Variants in ASPH observed in about 807,000 individuals in gnomAD.
ASPH encodes the protein aspartyl/asparaginyl beta-hydroxylase.
In ASPH, 100 loss-of-function variants were observed where a neutral mutation model predicts 118.4. The ratio of observed to expected loss-of-function variants is 0.84; its 90% confidence interval spans 0.72 to 1.00. The LOEUF (loss-of-function observed/expected upper bound fraction) is 1.00. Among genes scored for constraint, ASPH ranks in the 50% least tolerant of loss-of-function variants. The probability of loss-of-function intolerance (pLI) is 0.00; values close to 1 mark genes in which losing one functional copy is unlikely to be tolerated. For synonymous variants in ASPH, 315 were observed against 325.6 expected (o/e 0.97, Z 0.35); for missense variants, 920 against 919.5 (o/e 1.00, Z -0.01).
At chr8:61,569,400 T>C (rs1832787807) in intron 16 of ASPH, among the ~76,000 whole-genome samples, 1 of 152,204 alleles carries the variant, frequency 6.6e-6, no homozygotes, top group Non-Finnish European at 1.5e-5. Context: ...GTTTATGTTG[T>C]TAAAATGTGT....
chr8:61,527,354 C>T (rs1015202176), intron 21 of ASPH, among the ~76,000 whole-genome samples: 1 of 152,024 alleles, frequency 6.6e-6, no homozygotes, highest in African/African-American at 2.4e-5. Flanking sequence ...CTCATGATTC[C>T]ACATAAGAAG....
chr8:61,605,150 T>C (rs1468951811), intron 14 of ASPH, among the ~76,000 whole-genome samples: 1 of 152,220 alleles, frequency 6.6e-6, no homozygotes, highest in Non-Finnish European at 1.5e-5. Context: ...AAAATATCCC[T>C]GAAGAATAAC....
At chr8:61,519,137 G>A (rs1464261332) in intron 22 of ASPH, among the ~76,000 whole-genome samples, 2 of 152,124 alleles carry the variant, frequency 1.3e-5, no homozygotes, top group Non-Finnish European at 2.9e-5. Flanking sequence ...GCATCTTCAT[G>A]TTTGTTTACA....
intron 13 of ASPH, chr8:61,628,238 C>T: frequency 3.5e-6 from 1 of 287,394 alleles, no homozygotes; most frequent in Non-Finnish European, 6.8e-6. Context: ...TAGCCTACTG[C>T]AGCTTTGACC....
At position 61,638,313 on chromosome 8, in the gene ASPH, A is replaced by G; in HGVS notation, c.832+9T>C. The stretch of plus-strand genomic sequence containing the variant: ...TTGCAGAAAATATGTGCTTACAGAA[A>G]AAACTTACCTGTGATTTCTATCCCT... On this transcript the variant is annotated intron_variant, in intron 11 of 24. Transcript: ENST00000379454. 6.2e-7 allele frequency: 1 copy of G among 1,600,148 alleles called. No homozygotes were observed. Among genetic ancestry groups the G allele is most frequent in the East Asian group, 2.2e-5 (1 of 44,754 alleles).
At chr8:61,630,785 G>A (rs1855199443) in intron 13 of ASPH, among the ~76,000 whole-genome samples, 1 of 152,098 alleles carries the variant, frequency 6.6e-6, no homozygotes, top group African/African-American at 2.4e-5. Flanking sequence ...TACTTTTACG[G>A]TTCTTTTAGA....
At chr8:61,612,700 T>C (rs541816160) in intron 14 of ASPH, among the ~76,000 whole-genome samples, 2 of 152,238 alleles carry the variant, frequency 1.3e-5, no homozygotes, top group East Asian at 3.9e-4. Context: ...CATAGACCTG[T>C]GGGACATTTT....
chr8:61,617,080 A>G (rs1849292083), intron 14 of ASPH, among the ~76,000 whole-genome samples: 1 of 152,358 alleles, frequency 6.6e-6, no homozygotes, highest in South Asian at 2.1e-4. Context: ...ACATGTAGAC[A>G]GCTGGACACA....
chr8:61,635,559 T>C (rs1018359355), intron 12 of ASPH, among the ~76,000 whole-genome samples: 44 of 152,120 alleles, frequency 2.9e-4, no homozygotes, highest in African/African-American at 1.1e-3. Flanking sequence ...CAGTTTCTTC[T>C]ATAAGGTTGG....
chr8:61,549,247 G>A (rs1398415066), intron 20 of ASPH, among the ~76,000 whole-genome samples: 1 of 152,122 alleles, frequency 6.6e-6, no homozygotes, highest in Non-Finnish European at 1.5e-5. Context: ...GAGACTGAAG[G>A]GGGATAGCAA....
Position 61,557,388 on chromosome 8 carries a change from G to A in ASPH, c.1438-1366C>T, listed in dbSNP as rs866462950. ...TGGACTTCTTGCTGCTCCACAGCAA[G>A]CCAAAGATACCCCTGCCTCAGGGTC... On this transcript the variant is annotated intron_variant, in intron 18 of 24. Transcript: ENST00000379454. Among the ~76,000 whole-genome samples, 3 of 152,118 alleles carry A rather than the reference G, an allele frequency of 2.0e-5. No individual in the cohort carries two copies. The South Asian group carries it at 6.2e-4, about 32-fold the overall frequency.
intron 14 of ASPH, among the ~76,000 whole-genome samples, chr8:61,601,497 G>A (rs531249418): frequency 1.8e-4 from 27 of 149,704 alleles, no homozygotes; most frequent in Admixed American, 9.3e-4. Context: ...CCAAGATTGC[G>A]CCAGTGCACT....
At chr8:61,578,273 G>A in intron 15 of ASPH, 2 of 1,588,214 alleles carry the variant, frequency 1.3e-6, no homozygotes, top group Non-Finnish European at 8.6e-7. Flanking sequence ...CTGGCCCCCG[G>A]GCCTTCAGCA....
chr8:61,559,538 C>G (rs1268705484), intron 18 of ASPH, among the ~76,000 whole-genome samples: 1 of 152,204 alleles, frequency 6.6e-6, no homozygotes, highest in Non-Finnish European at 1.5e-5. Context: ...GCCGACATTT[C>G]TATCCCCAGT....
chr8:61,560,543 C>T (rs1829444436), intron 18 of ASPH, among the ~76,000 whole-genome samples: 1 of 151,754 alleles, frequency 6.6e-6, no homozygotes, highest in South Asian at 2.1e-4. Context: ...AGCTTATTAA[C>T]TTAAAAGTGA....
intron 24 of ASPH, among the ~76,000 whole-genome samples, chr8:61,508,957 C>T (rs1183340398): frequency 1.3e-5 from 2 of 152,144 alleles, no homozygotes; most frequent in East Asian, 3.9e-4. Flanking sequence ...CATTGAAAGC[C>T]CTGGGATGGC....
At chr8:61,572,967 C>T (rs1404354705) in intron 16 of ASPH, among the ~76,000 whole-genome samples, 2 of 152,150 alleles carry the variant, frequency 1.3e-5, no homozygotes, top group African/African-American at 4.8e-5. Flanking sequence ...AAAACCCCAT[C>T]GTCTCACCCC....
intron 18 of ASPH, among the ~76,000 whole-genome samples, chr8:61,561,741 T>C (rs532076774): frequency 3.0e-4 from 45 of 151,934 alleles, no homozygotes; most frequent in Admixed American, 7.2e-4. Context: ...CTGGATATCA[T>C]AGGAAGACCT....
intron 13 of ASPH, among the ~76,000 whole-genome samples, chr8:61,620,062 GA>G (rs1409816576): frequency 1.3e-5 from 2 of 152,178 alleles, no homozygotes; most frequent in African/African-American, 4.8e-5. Flanking sequence ...TCAATTTGGG[GA>G]GATGAAAAGT....
Sources: gnomAD v4.1 joint callset for allele counts (sites outside exome capture counted in the v4.1 genomes callset) on GRCh38, gnomAD v4.1.1 for gene constraint, MANE v1.5 for transcripts, NCBI Gene and HGNC (gene_info 2026-07-23, HGNC 2026-07-21) for gene names.